Variants in OXR1 observed in about 807,000 individuals in gnomAD.
OXR1 encodes oxidation resistance 1.
A neutral mutation model predicts 104.6 loss-of-function variants in OXR1; 41 were observed. That is an observed-to-expected ratio of 0.39 (90% CI 0.31 to 0.51). The LOEUF (loss-of-function observed/expected upper bound fraction) is 0.51. OXR1 is among the 20% of genes least tolerant of loss of function. OXR1 has a pLI of 0.77. For missense variants in OXR1, 955 were observed against 1,031.9 expected (o/e 0.93, Z 1.02); for synonymous variants, 348 against 348.4 (o/e 1.00, Z 0.01).
chr8:106,369,342 TG>T (rs1458166409), intron 2 of OXR1, among the ~76,000 whole-genome samples: 1 of 152,246 alleles, frequency 6.6e-6, no homozygotes, highest in Non-Finnish European at 1.5e-5. Flanking sequence ...TCCCATACTG[TG>T]GGTTACCTGT....
intron 3 of OXR1, among the ~76,000 whole-genome samples, chr8:106,542,000 C>T (rs1387341205): frequency 2.6e-5 from 4 of 152,158 alleles, no homozygotes; most frequent in Non-Finnish European, 4.4e-5. Context: ...AAGGCTCAGA[C>T]ATGTTAAGGA....
At chr8:106,429,932 T>C (rs1819291144) in intron 2 of OXR1, among the ~76,000 whole-genome samples, 1 of 152,278 alleles carries the variant, frequency 6.6e-6, no homozygotes, top group African/African-American at 2.4e-5. Context: ...TAAATATTTT[T>C]CAGTAATCTC....
At chr8:106,520,042 G>A (rs1390383681) in intron 3 of OXR1, among the ~76,000 whole-genome samples, 2 of 152,106 alleles carry the variant, frequency 1.3e-5, no homozygotes, top group Non-Finnish European at 2.9e-5. Flanking sequence ...GGCCTTGCTT[G>A]TTACTTCAAT....
intron 3 of OXR1, among the ~76,000 whole-genome samples, chr8:106,672,017 G>A (rs1222093040): frequency 1.4e-5 from 2 of 147,900 alleles, no homozygotes; most frequent in South Asian, 2.1e-4. Context: ...AAGGCTGTGA[G>A]GAGTCAGTAA....
intron 3 of OXR1, among the ~76,000 whole-genome samples, chr8:106,571,354 A>G (rs893095957): frequency 6.6e-6 from 1 of 152,048 alleles, no homozygotes; most frequent in Non-Finnish European, 1.5e-5. Flanking sequence ...TTACATGAGA[A>G]AGAGAGACAG....
intron 2 of OXR1, among the ~76,000 whole-genome samples, chr8:106,400,364 G>A (rs892545617): frequency 6.6e-6 from 1 of 152,000 alleles, no homozygotes; most frequent in Admixed American, 6.6e-5. Flanking sequence ...TCTTCCTGTA[G>A]CAAATCAACT....
chr8:106,674,046 G>T (rs1180509469), intron 3 of OXR1, among the ~76,000 whole-genome samples: 1 of 152,200 alleles, frequency 6.6e-6, no homozygotes, highest in Non-Finnish European at 1.5e-5. Flanking sequence ...CTCTACTGGG[G>T]CCCTGCCCAG....
At chr8:106,447,857 G>T in intron 2 of OXR1, 1 of 1,436,384 alleles carries the variant, frequency 7.0e-7, no homozygotes, top group Non-Finnish European at 9.1e-7. Context: ...TTTTGCCTTA[G>T]ATGTTGGTCT....
chr8:106,589,314 G>A (rs1448634624), intron 3 of OXR1, among the ~76,000 whole-genome samples: 1 of 151,366 alleles, frequency 6.6e-6, no homozygotes, highest in Admixed American at 6.6e-5. Flanking sequence ...AGGCAGCTTG[G>A]TGAGACAGAG....
intron 3 of OXR1, among the ~76,000 whole-genome samples, chr8:106,675,453 C>A (rs1827487117): frequency 6.6e-6 from 1 of 152,196 alleles, no homozygotes; most frequent in South Asian, 2.1e-4. Flanking sequence ...AAGTTTCCCT[C>A]TTAACACTAT....
chr8:106,393,292 G>C (rs1029177175), intron 2 of OXR1, among the ~76,000 whole-genome samples: 4 of 152,136 alleles, frequency 2.6e-5, no homozygotes, highest in Non-Finnish European at 5.9e-5. Flanking sequence ...CACTGTCTTT[G>C]CATGTCATAA....
chr8:106,314,910 A>G (rs1202591218), intron 1 of OXR1, among the ~76,000 whole-genome samples: 4 of 152,216 alleles, frequency 2.6e-5, no homozygotes, highest in Non-Finnish European at 4.4e-5. Flanking sequence ...TATCTCCGTG[A>G]TGACATTGGC....
At chr8:106,504,017 C>T (rs1469865547) in intron 2 of OXR1, among the ~76,000 whole-genome samples, 5 of 152,156 alleles carry the variant, frequency 3.3e-5, no homozygotes, top group Non-Finnish European at 7.3e-5. Flanking sequence ...AGAGAGTCAG[C>T]TTTAAACACC....
intron 2 of OXR1, among the ~76,000 whole-genome samples, chr8:106,445,592 C>A (rs1462259713): frequency 1.3e-5 from 2 of 152,174 alleles, no homozygotes; most frequent in African/African-American, 4.8e-5. Flanking sequence ...TTTTTACCAT[C>A]ATTTCCAACC....
intron 3 of OXR1, among the ~76,000 whole-genome samples, chr8:106,575,972 T>C (rs1297377815): frequency 5.0e-5 from 7 of 139,184 alleles, no homozygotes; most frequent in African/African-American, 1.9e-4. Context: ...AGAGAAGAGA[T>C]AGAAATGTTT....
intron 1 of OXR1, among the ~76,000 whole-genome samples, chr8:106,356,775 T>A: frequency 6.6e-6 from 1 of 152,076 alleles, no homozygotes; most frequent in Non-Finnish European, 1.5e-5. Flanking sequence ...GAATACTTCC[T>A]AAAGAAATGT....
At chr8:106,331,608 A>G (rs1814716099) in intron 1 of OXR1, among the ~76,000 whole-genome samples, 1 of 152,206 alleles carries the variant, frequency 6.6e-6, no homozygotes, top group Non-Finnish European at 1.5e-5. Context: ...TATTCTTTGT[A>G]ATGGTAAAGG....
At chr8:106,316,717 C>CTATCATCT (rs147531007) in intron 1 of OXR1, among the ~76,000 whole-genome samples, 24 of 118,678 alleles carry the variant, frequency 2.0e-4, no homozygotes, top group African/African-American at 4.4e-4. Context: ...ATCTATCTAT[C>CTATCATCT]ATCTATCTAT....
chr8:106,330,794 C>A (rs920231627), intron 1 of OXR1, among the ~76,000 whole-genome samples: 4 of 152,162 alleles, frequency 2.6e-5, no homozygotes, highest in African/African-American at 4.8e-5. Context: ...TTTTCATCAG[C>A]ATTGAACCAT....
Sources: allele counts gnomAD v4.1 joint callset (sites outside exome capture counted in the v4.1 genomes callset), GRCh38; gene constraint gnomAD v4.1.1; transcripts MANE v1.5; gene names NCBI Gene and HGNC (gene_info 2026-07-23, HGNC 2026-07-21).